CPXM2: variants seen among roughly 807,000 people sequenced by gnomAD.
CPXM2 encodes carboxypeptidase X, M14 family member 2.
In CPXM2, 66 loss-of-function variants were observed where a neutral mutation model predicts 86.1. The observed-to-expected ratio is 0.77, with a 90% CI of 0.63 to 0.94. CPXM2 has a LOEUF of 0.94. CPXM2 is among the 40% of genes least tolerant of loss of function. The pLI is 0.00. For synonymous variants in CPXM2, 388 were observed against 400.2 expected, an observed-to-expected ratio of 0.97 and a Z score of 0.36; for missense variants, 948 against 1,026.3, an observed-to-expected ratio of 0.92 and a Z score of 1.04.
intron 6 of CPXM2, among the ~76,000 whole-genome samples, chr10:123,783,024 C>T (rs145191480): frequency 2.1e-3 from 316 of 152,354 alleles, no homozygotes; most frequent in African/African-American, 7.1e-3. Flanking sequence ...GACACTCCCA[C>T]CAGCTCCAAG....
chr10:123,841,607 G>A (rs898737475), intron 4 of CPXM2, among the ~76,000 whole-genome samples: 2 of 152,208 alleles, frequency 1.3e-5, no homozygotes, highest in African/African-American at 4.8e-5. Flanking sequence ...ATCATGCAGT[G>A]TTTGTCTTTT....
At chr10:123,938,202 G>C (rs960055977) in intron 2 of CPXM2, among the ~76,000 whole-genome samples, 3 of 152,166 alleles carry the variant, frequency 2.0e-5, no homozygotes, top group African/African-American at 7.2e-5. Flanking sequence ...CGTATGTTCT[G>C]ATTCAGCAGG....
chr10:123,747,131 G>A lies in CPXM2; in HGVS notation c.2018-114C>T, dbSNP rs188042744. The A allele has an allele frequency of 4.1e-5, 53 of 1,290,186 alleles. 1 individual carries two copies. The East Asian group carries it at 8.6e-4, about 21-fold the overall frequency. The allele number at this position is 1,290,186 out of a possible 1,614,324, so 79.9% of individuals were successfully genotyped here. ...AGAGAGAGACTCTCAGGCTGGCAACGTGGAATCCGAGCTCCTGCAGATGCA... is the reference window on the plus strand; with the variant it reads ...AGAGAGAGACTCTCAGGCTGGCAACATGGAATCCGAGCTCCTGCAGATGCA... On this transcript the variant is annotated intron_variant, in intron 13 of 13. Coordinates refer to ENST00000241305, the MANE Select transcript of CPXM2 (RefSeq NM_198148.3).
intron 6 of CPXM2, among the ~76,000 whole-genome samples, chr10:123,781,458 T>A (rs551520579): frequency 6.6e-6 from 1 of 152,286 alleles, no homozygotes; most frequent in South Asian, 2.1e-4. Flanking sequence ...CCTGGTGGCA[T>A]CTCTGTCAGG....
intron 2 of CPXM2, among the ~76,000 whole-genome samples, chr10:123,915,882 G>C (rs150673349): frequency 2.0e-5 from 3 of 152,162 alleles, no homozygotes; most frequent in South Asian, 4.2e-4. Flanking sequence ...CTGGAGTTCC[G>C]CCGAATACTC....
intron 7 of CPXM2, among the ~76,000 whole-genome samples, chr10:123,779,762 C>A (rs1222620557): frequency 6.6e-6 from 1 of 152,138 alleles, no homozygotes; most frequent in Non-Finnish European, 1.5e-5. Context: ...ATTAGGAGGA[C>A]TGAACGTGAT....
chr10:123,905,135 C>T (rs1310390520), intron 2 of CPXM2, among the ~76,000 whole-genome samples: 2 of 152,210 alleles, frequency 1.3e-5, no homozygotes, highest in Non-Finnish European at 2.9e-5. Flanking sequence ...AATGCTCTAC[C>T]GCTGAGCTAT....
chr10:123,825,106 G>A (rs1377913370), intron 4 of CPXM2, among the ~76,000 whole-genome samples: 1 of 152,128 alleles, frequency 6.6e-6, no homozygotes, highest in Non-Finnish European at 1.5e-5. Flanking sequence ...TTACCTTCTG[G>A]ATCTAAACTG....
intron 3 of CPXM2, 95 bp downstream of exon 3, chr10:123,862,519 T>TGCA (rs1848873023): frequency 9.6e-7 from 1 of 1,039,694 alleles, no homozygotes; most frequent in Non-Finnish European, 1.5e-6. Context: ...TCCAGGCTAA[T>TGCA]GCATTTTAAA....
intron 4 of CPXM2, among the ~76,000 whole-genome samples, chr10:123,821,657 T>C (rs1590037314): frequency 6.6e-6 from 1 of 152,022 alleles, no homozygotes; most frequent in Admixed American, 6.6e-5. Context: ...CAAATGGGGG[T>C]AATGTTGTCC....
At position 123,885,112 on chromosome 10, in the gene CPXM2, T is replaced by C. The variant is rs1268591382; in HGVS notation, c.305-4803A>G. Among the ~76,000 whole-genome samples, 6 of 151,984 alleles carry C rather than the reference T, an allele frequency of 3.9e-5. No individual in the cohort carries two copies. Among genetic ancestry groups the C allele is most frequent in the African/African-American group, 1.5e-4 (6 of 41,358 alleles). On this transcript the variant is annotated intron_variant, in intron 1 of 13. Transcript: ENST00000241305. This position sits in a 1 kb window ranked among gnomAD's most constrained non-coding sequence, Gnocchi z 4.0. ...GCACAGTGCTGTATGTGGGAGGAGATTTCAAGTAGCACAGGTGAAAAGTTG... is the reference window on the plus strand; with the variant it reads ...GCACAGTGCTGTATGTGGGAGGAGACTTCAAGTAGCACAGGTGAAAAGTTG...
At chr10:123,822,578 C>T (rs1285433105) in intron 4 of CPXM2, among the ~76,000 whole-genome samples, 1 of 151,674 alleles carries the variant, frequency 6.6e-6, no homozygotes, top group African/African-American at 2.4e-5. Context: ...AGGCACTTCT[C>T]GGGAGGTGAT....
intron 10 of CPXM2, 21 bp from the exon 11 acceptor site, chr10:123,762,190 C>A: frequency 6.2e-7 from 1 of 1,613,996 alleles, no homozygotes; most frequent in South Asian, 1.1e-5. Flanking sequence ...CCCAAATGGA[C>A]GAGTAAAATA....
chr10:123,887,944 T>C lies in CPXM2; in HGVS notation c.304+3412A>G, dbSNP rs537921211. ...CATTCTGTTTAATATATTGGGGCTC[T>C]ACTTCTCTGGAAACCTGTTAGCCAC... is the stretch of plus-strand genomic sequence containing the variant. On this transcript the variant is annotated intron_variant, in intron 1 of 13. Transcript: ENST00000241305. 3.1e-3 allele frequency among the ~76,000 whole-genome samples: 473 copies of C among 152,350 alleles called. 2 individuals are homozygous for C. The highest frequency in any genetic ancestry group is 5.8e-3 in the Non-Finnish European group (394 of 68,036).
chr10:123,757,299 C>T lies in CPXM2; in HGVS notation c.1831G>A (p.Val611Met), dbSNP rs115379653. Residue 611 changes from valine to methionine, a missense_variant, in exon 12 of 14, where the codon GTG becomes ATG. Coordinates refer to ENST00000241305, the MANE Select transcript of CPXM2 (RefSeq NM_198148.3). Reference protein sequence around the residue: ...HTNCFELSIYVGCDKYPHESQ... With the variant: ...HTNCFELSIYMGCDKYPHESQ... Reference sequence around the variant, plus strand: ...TCATGTGGGTATTTATCACAGCCCACGTAGATGGACAGTTCGAAGCAGTTT... The same window carrying T: ...TCATGTGGGTATTTATCACAGCCCATGTAGATGGACAGTTCGAAGCAGTTT... 5.6e-6 allele frequency: 9 copies of T among 1,613,574 alleles called. No homozygotes were observed. Among genetic ancestry groups the T allele is most frequent in the South Asian group, 1.1e-5 (1 of 91,060 alleles).
intron 3 of CPXM2, among the ~76,000 whole-genome samples, chr10:123,860,046 G>T (rs1224058513): frequency 6.6e-6 from 1 of 152,166 alleles, no homozygotes; most frequent in Non-Finnish European, 1.5e-5. Context: ...CAGGGGCTGG[G>T]CAAGCAGGAG....
chr10:123,836,596 G>C (rs1187114203), intron 4 of CPXM2, among the ~76,000 whole-genome samples: 1 of 152,206 alleles, frequency 6.6e-6, no homozygotes, highest in Admixed American at 6.5e-5. Context: ...ACTGGAGAAA[G>C]ATGCTCTCTG....
chr10:123,854,385 AATATATATATT>A (rs1221083120), intron 3 of CPXM2, among the ~76,000 whole-genome samples: 961 of 86,480 alleles, frequency 0.011, 7 homozygotes, highest in Non-Finnish European at 0.017. Context: ...ATATATATAT[AATATATATATT>A]ATATATATAT....
At chr10:123,846,431 G>A (rs537647972) in intron 3 of CPXM2, among the ~76,000 whole-genome samples, 1 of 152,320 alleles carries the variant, frequency 6.6e-6, no homozygotes, top group Non-Finnish European at 1.5e-5. Flanking sequence ...GATCTTACAG[G>A]AGGTGGAGTT....
Sources: gnomAD v4.1 joint callset for allele counts (sites outside exome capture counted in the v4.1 genomes callset) on GRCh38, gnomAD v4.1.1 for gene constraint, Gnocchi (gnomAD v3.1) non-coding constraint, MANE v1.5 for transcripts, NCBI Gene and HGNC (gene_info 2026-07-23, HGNC 2026-07-21) for gene names.